Variants in CENPM observed in about 807,000 individuals in gnomAD.
The protein encoded by CENPM is centromere protein M.
Under a neutral mutation model 19.6 loss-of-function variants are expected in CENPM, and 14 were observed. The observed-to-expected ratio is 0.71, with a 90% CI of 0.47 to 1.11. The LOEUF (loss-of-function observed/expected upper bound fraction) is 1.11. Among genes scored for constraint, CENPM ranks in the 50% most tolerant of loss-of-function variants. The pLI, the probability that CENPM is intolerant of heterozygous loss-of-function variation, is 0.00. For missense variants in CENPM, 239 were observed against 228.4 expected (o/e 1.05, Z -0.30); for synonymous variants, 114 against 101.5 (o/e 1.12, Z -0.74).
the CENPM span, among the ~76,000 whole-genome samples, chr22:41,930,026 C>T: frequency 6.8e-6 from 1 of 147,454 alleles, no homozygotes; most frequent in Non-Finnish European, 1.5e-5. Flanking sequence ...TCACTGCAAG[C>T]TCCGCCTCCC....
At chr22:41,928,108 A>G in the CENPM span, 1 of 363,228 alleles carries the variant, frequency 2.8e-6, no homozygotes, top group Non-Finnish European at 5.5e-6. This position sits in a 1 kb window ranked among gnomAD's most constrained non-coding sequence, Gnocchi z 4.0. Context: ...GGGAGCTTGG[A>G]CTGTGGCTGG....
chr22:41,943,716 T>C lies in CENPM; in HGVS notation c.311-15A>G, dbSNP rs1569427467. On this transcript the variant is annotated splice_polypyrimidine_tract_variant and intron_variant, in intron 4 of 5. Transcript: ENST00000215980. ...CTCCCGCCCAGCTGGAAAGAAGCCA[T>C]GAGTGCTATAGCTGCAATCTCTACC... is the stretch of plus-strand genomic sequence containing the variant. The C allele has an allele frequency of 6.2e-7, 1 of 1,611,346 alleles. No individual in the cohort carries two copies. The highest frequency in any genetic ancestry group is 1.1e-5 in the South Asian group (1 of 90,808).
At position 41,946,464 on chromosome 22, in the gene CENPM, C is replaced by A; in HGVS notation, c.90G>T (p.Gln30His). 6.2e-7 allele frequency: 1 copy of A among 1,613,340 alleles called. No homozygotes were observed. Among genetic ancestry groups the A allele is most frequent in the Non-Finnish European group, 8.5e-7 (1 of 1,180,010 alleles). ...LVGTEDALLQ[Q>H]LADSMLKEDC... ...CCTCTTTGAGCATCGAGTCCGCCAG[C>A]TGCTGCAGAAGAGCATCCTCCGTGC... is the stretch of plus-strand genomic sequence containing the variant. Residue 30 changes from glutamine (Q) to histidine (H), a missense_variant, in exon 2 of 6, where the codon CAG becomes CAT. Coordinates refer to ENST00000215980, the MANE Select transcript of CENPM (RefSeq NM_024053.5).
rs776598765 is a variant in CENPM, at chr22:41,939,069, A to G, written c.530T>C (p.Leu177Pro). The change falls in exon 6 of 6, where the codon CTG becomes CCG. Residue 177 changes from leucine (L) to proline (P), a missense_variant. By Grantham distance (98) the Leu-to-Pro change is moderately conservative. Coordinates refer to ENST00000215980, the MANE Select transcript of CENPM (RefSeq NM_024053.5). The stretch of plus-strand genomic sequence containing the variant: ...GGCCAGCCACCCTCACAGGTCCTCC[A>G]GGGAGGGGCCCTCAGAGCTTCTCAG... Reference protein sequence around the residue: ...SLLRSSEGPSLEDL With the variant: ...SLLRSSEGPSPEDL 1.2e-6 allele frequency: 2 copies of G among 1,612,876 alleles called. No homozygotes were observed. The highest frequency in any genetic ancestry group is 1.7e-6 in the Non-Finnish European group (2 of 1,179,956).
chr22:41,944,213 G>A lies in CENPM; in HGVS notation c.311-512C>T, dbSNP rs7288143. ...AATCCCAGCACTATCTGAGGCAGGC[G>A]GATACCTGAGGTCAGGAGTTCAAGA... On this transcript the variant is annotated intron_variant, in intron 4 of 5. Coordinates refer to ENST00000215980, the MANE Select transcript of CENPM (RefSeq NM_024053.5). The A allele has an allele frequency of 5.3e-3, 4,446 of 844,010 alleles. 156 individuals carry two copies. In the African/African-American group the frequency reaches 0.071, roughly 14 times the overall value. 52.3% of individuals were successfully genotyped at this position (844,010 alleles called of 1,614,324 possible).
intron 5 of CENPM, among the ~76,000 whole-genome samples, chr22:41,941,815 G>A (rs1209385026): frequency 2.6e-5 from 4 of 152,244 alleles, no homozygotes; most frequent in Non-Finnish European, 5.9e-5. Context: ...AATCAAATGC[G>A]TGATAGAGTC....
At chr22:41,937,769 C>G (rs1270814278), downstream of CENPM, among the ~76,000 whole-genome samples, 1 of 152,168 alleles carries the variant, frequency 6.6e-6, no homozygotes, top group Non-Finnish European at 1.5e-5. Context: ...AGGCAACAAC[C>G]AGGTTCTATA....
At position 41,945,986 on chromosome 22, in the gene CENPM, G is replaced by C. The variant is rs1204246681; in HGVS notation, c.157C>G (p.Pro53Ala). The C allele has an allele frequency of 1.2e-6, 2 of 1,613,904 alleles. No homozygotes were observed. Among genetic ancestry groups the C allele is most frequent in the Non-Finnish European group, 1.7e-6 (2 of 1,179,876 alleles). The change falls in exon 3 of 6, where the codon CCT (proline) becomes GCT (alanine). Residue 53 changes from proline to alanine, a missense_variant. Physicochemically the swap from Pro to Ala is conservative, Grantham distance 27. Transcript: ENST00000215980. ...ELKVHLAKSL[P>A]LPSSVNRPRI... ...GGCCGATTCACACTGGAGGGCAAAG[G>C]GAGGGACTTTGCCAAGTGGCTGAAA...
At chr22:41,937,359 G>A (rs539549537), downstream of CENPM, among the ~76,000 whole-genome samples, 25 of 152,244 alleles carry the variant, frequency 1.6e-4, no homozygotes, top group South Asian at 4.6e-3. Context: ...GCAGTGGTAC[G>A]ATCTCAGCTC....
rs150902876 is a variant in CENPM, at chr22:41,945,990, G to A, written c.153C>T (p.Ser51=). The A allele has an allele frequency of 3.7e-6, 6 of 1,613,666 alleles. No individual in the cohort carries two copies. The African/African-American group carries it at 6.7e-5, about 18-fold the overall frequency. The stretch of plus-strand genomic sequence containing the variant: ...GATTCACACTGGAGGGCAAAGGGAG[G>A]GACTTTGCCAAGTGGCTGAAAAACA... ...ASELKVHLAK[S]LPLPSSVNRP... Residue 51 remains serine (S), a synonymous_variant, in exon 3 of 6, where the codon TCC becomes TCT. Coordinates refer to ENST00000215980, the MANE Select transcript of CENPM (RefSeq NM_024053.5).
Position 41,943,600 on chromosome 22 carries a change from G to GCA in CENPM, c.402+8_402+9dup. On this transcript the variant is annotated intron_variant, in intron 5 of 5. Coordinates refer to ENST00000215980, the MANE Select transcript of CENPM (RefSeq NM_024053.5). The stretch of plus-strand genomic sequence containing the variant: ...AGTATAGTGTTGGTCTCTGTGATCA[G>GCA]CATGCTCACCTCCAGGTCACAGTAG... The GCA allele has an allele frequency of 6.2e-7, 1 of 1,609,970 alleles. No homozygotes were observed. Among genetic ancestry groups the GCA allele is most frequent in the Non-Finnish European group, 8.5e-7 (1 of 1,177,012 alleles).
intron 2 of CENPM, 49 bp downstream of exon 2, chr22:41,946,368 C>G (rs747174004): frequency 6.6e-7 from 1 of 1,518,734 alleles, no homozygotes; most frequent in South Asian, 1.1e-5. Context: ...GACCGAATCC[C>G]TCTGGAGTGA....
At position 41,945,231 on chromosome 22, in the gene CENPM, T is replaced by A; in HGVS notation, c.304A>T (p.Thr102Ser). The A allele has an allele frequency of 6.2e-7, 1 of 1,613,922 alleles. No homozygotes were observed. Among genetic ancestry groups the A allele is most frequent in the Non-Finnish European group, 8.5e-7 (1 of 1,179,976 alleles). The change falls in exon 4 of 6, where the codon ACA (threonine) becomes TCA (serine). Residue 102 changes from threonine (T) to serine (S), a missense_variant. Transcript: ENST00000215980. ...AGGCGAGGAACGTACTTACCACCTG[T>A]GGCGAGGAAACACACCTTCCCCAAG... ...FFLGKVCFLA[T>S]GAGRESHCSI...
chr22:41,929,692 C>T, the CENPM span, among the ~76,000 whole-genome samples: 27 of 152,112 alleles, frequency 1.8e-4, no homozygotes, highest in African/African-American at 6.0e-4. Flanking sequence ...GTTTGCTGGG[C>T]GCTCCCTATG....
chr22:41,929,980 G>T, the CENPM span, among the ~76,000 whole-genome samples: 4 of 111,550 alleles, frequency 3.6e-5, no homozygotes, highest in African/African-American at 1.4e-4. Context: ...GTCTCTCTCT[G>T]TCGCCCAGGC....
At chr22:41,933,494 T>C in the CENPM span, among the ~76,000 whole-genome samples, 1 of 151,988 alleles carries the variant, frequency 6.6e-6, no homozygotes, top group Non-Finnish European at 1.5e-5. Flanking sequence ...GGCATACCCT[T>C]TGATGGAAGA....
chr22:41,941,757 C>G (rs773480258), intron 5 of CENPM, among the ~76,000 whole-genome samples: 18 of 152,222 alleles, frequency 1.2e-4, no homozygotes, highest in Non-Finnish European at 2.4e-4. Flanking sequence ...TCTGTGAGAT[C>G]AGAGTGCTGA....
downstream of CENPM, among the ~76,000 whole-genome samples, chr22:41,936,284 G>A (rs74566503): frequency 6.6e-6 from 1 of 152,194 alleles, no homozygotes; most frequent in South Asian, 2.1e-4. Context: ...CCATGACAAC[G>A]GTCTGTTTCA....
downstream of CENPM, among the ~76,000 whole-genome samples, chr22:41,936,455 G>A (rs962325281): frequency 1.3e-5 from 2 of 152,246 alleles, no homozygotes; most frequent in Non-Finnish European, 2.9e-5. Flanking sequence ...CTGCCAGGAA[G>A]TCAGCCAGGT....
Sources: allele counts gnomAD v4.1 joint callset (sites outside exome capture counted in the v4.1 genomes callset), GRCh38; gene constraint gnomAD v4.1.1; non-coding constraint Gnocchi (gnomAD v3.1); transcripts MANE v1.5; gene names NCBI Gene and HGNC (gene_info 2026-07-23, HGNC 2026-07-21).